SVEP1: variants seen among roughly 807,000 people sequenced by gnomAD.
SVEP1 encodes sushi, von Willebrand factor type A, EGF and pentraxin domain-containing protein 1.
In SVEP1, 164 loss-of-function variants were observed where a neutral mutation model predicts 367.3. The ratio of observed to expected loss-of-function variants is 0.45; its 90% CI spans 0.39 to 0.51. The LOEUF is 0.51. Ranked by LOEUF, SVEP1 falls within the 20% of genes least tolerant of loss-of-function variation. The probability of loss-of-function intolerance (pLI) is 0.00; values close to 1 mark genes in which losing one functional copy is unlikely to be tolerated. For missense variants in SVEP1, 4,117 were observed against 4,425.3 expected, an observed-to-expected ratio of 0.93 and a Z score of 1.98; for synonymous variants, 1,666 against 1,611.6, an observed-to-expected ratio of 1.03 and a Z score of -0.81.
chr9:110,399,093 C>A (rs1280755223), intron 40 of SVEP1, among the ~76,000 whole-genome samples: 2 of 152,162 alleles, frequency 1.3e-5, no homozygotes, highest in Non-Finnish European at 2.9e-5. Flanking sequence ...TTGGAACCAA[C>A]CCAAATGTCC....
intron 18 of SVEP1, among the ~76,000 whole-genome samples, chr9:110,462,415 T>C (rs1828871003): frequency 6.6e-6 from 1 of 151,858 alleles, no homozygotes; most frequent in Non-Finnish European, 1.5e-5. Context: ...CAGAAATATA[T>C]TTTCCTGCAG....
At chr9:110,399,332 C>T (rs973469731) in intron 40 of SVEP1, among the ~76,000 whole-genome samples, 4 of 143,706 alleles carry the variant, frequency 2.8e-5, no homozygotes, top group Admixed American at 7.1e-5. Context: ...ACATCACACA[C>T]TGGGTCCTGT....
At chr9:110,430,182 G>C in intron 33 of SVEP1, 92 bp downstream of exon 33, 3 of 1,353,906 alleles carry the variant, frequency 2.2e-6, no homozygotes, top group Non-Finnish European at 3.0e-6. Context: ...CAAATACAAA[G>C]AACATTGATA....
chr9:110,497,053 C>T, intron 7 of SVEP1, 120 bp from the exon 8 acceptor site: 1 of 624,202 alleles, frequency 1.6e-6, no homozygotes. Flanking sequence ...ATCCCAGTTA[C>T]TGATTGTTCG....
Position 110,390,139 on chromosome 9 carries a change from A to G in SVEP1, c.9823-552T>C, listed in dbSNP as rs544218784. Among the ~76,000 whole-genome samples, 201 of 89,780 alleles carry G rather than the reference A, an allele frequency of 2.2e-3. 1 individual carries two copies. The highest frequency in any genetic ancestry group is 6.4e-3 in the African/African-American group (176 of 27,530). 58.9% of individuals were successfully genotyped at this position (89,780 alleles called of 152,430 possible). A position where few individuals can be genotyped will look rare whatever the true frequency, so the allele number is the denominator to read the frequency against. ...TATACATACATACTTATATAAGTAT[A>G]TATACAAGTATATACATACATACTT... On this transcript the variant is annotated intron_variant, in intron 40 of 47. Coordinates refer to ENST00000374469, the MANE Select transcript of SVEP1 (RefSeq NM_153366.4).
intron 46 of SVEP1, among the ~76,000 whole-genome samples, chr9:110,371,666 T>C (rs1341025887): frequency 2.0e-5 from 3 of 152,158 alleles, no homozygotes; most frequent in Non-Finnish European, 2.9e-5. Context: ...TCTCAGTAAA[T>C]GGCAACACCT....
chr9:110,547,997 T>A (rs779862097), intron 2 of SVEP1, among the ~76,000 whole-genome samples: 1 of 152,186 alleles, frequency 6.6e-6, no homozygotes, highest in Non-Finnish European at 1.5e-5. Flanking sequence ...TCAACTTCCA[T>A]CAGGACAGAA....
Position 110,432,524 on chromosome 9 carries a change from C to T in SVEP1, c.5171G>A (p.Gly1724Asp), listed in dbSNP as rs376507406. 3.1e-4 allele frequency: 493 copies of T among 1,613,916 alleles called. No homozygotes were observed. Among genetic ancestry groups the T allele is most frequent in the Non-Finnish European group, 4.0e-4 (474 of 1,179,822 alleles). The change falls in exon 31 of 48, where the codon GGT becomes GAT. Residue 1724 changes from glycine (G) to aspartate (D), a missense_variant. Physicochemically the swap from Gly to Asp is moderately conservative, Grantham distance 94. This residue lies in a region of SVEP1 where 2,174 missense variants were observed against 2,494.3 expected (regional missense o/e 0.87). Coordinates refer to ENST00000374469, the MANE Select transcript of SVEP1 (RefSeq NM_153366.4). The part of the protein sequence containing the change: ...YQCNNGYYLL[G>D]DSRMFCTDNG... Reference sequence around the variant, plus strand: ...ATCTGTACAGAACATCCTTGAGTCACCCAATAGATAGTAGCCATTGTTGCA... The same window carrying T: ...ATCTGTACAGAACATCCTTGAGTCATCCAATAGATAGTAGCCATTGTTGCA...
At chr9:110,517,282 TA>T (rs1829816962) in intron 3 of SVEP1, among the ~76,000 whole-genome samples, 1 of 150,882 alleles carries the variant, frequency 6.6e-6, no homozygotes, top group Non-Finnish European at 1.5e-5. Context: ...GCAACATAGC[TA>T]CACCCATCTC....
intron 1 of SVEP1, among the ~76,000 whole-genome samples, chr9:110,570,448 A>C (rs186424560): frequency 4.2e-5 from 6 of 144,282 alleles, no homozygotes; most frequent in African/African-American, 1.6e-4. Context: ...TGGGAAACTA[A>C]GACAAAAAGT....
chr9:110,451,426 A>C, intron 22 of SVEP1, 24 bp from the exon 23 acceptor site: 1 of 1,591,002 alleles, frequency 6.3e-7, no homozygotes, highest in Non-Finnish European at 8.6e-7. Flanking sequence ...TTCATCTTTG[A>C]GCTGGAGAAA....
intron 6 of SVEP1, among the ~76,000 whole-genome samples, chr9:110,501,784 A>G (rs1230540577): frequency 6.6e-6 from 1 of 152,176 alleles, no homozygotes; most frequent in East Asian, 1.9e-4. Context: ...TTTATCTTCT[A>G]CTAAGCAACC....
chr9:110,435,814 G>T (rs1828422541), intron 28 of SVEP1, among the ~76,000 whole-genome samples: 1 of 152,166 alleles, frequency 6.6e-6, no homozygotes, highest in African/African-American at 2.4e-5. Context: ...TGTATATGTA[G>T]TATTTTGTTC....
chr9:110,441,000 A>G (rs1333954624), intron 27 of SVEP1, among the ~76,000 whole-genome samples: 1 of 152,228 alleles, frequency 6.6e-6, no homozygotes, highest in Non-Finnish European at 1.5e-5. Flanking sequence ...CTGTTTCTTC[A>G]TTTCTAAAAT....
intron 5 of SVEP1, among the ~76,000 whole-genome samples, chr9:110,508,745 A>G (rs1376464266): frequency 9.7e-5 from 13 of 134,278 alleles, no homozygotes; most frequent in African/African-American, 3.7e-4. Context: ...TAGGTAACAG[A>G]GCGAGACTCC....
At position 110,471,518 on chromosome 9, in the gene SVEP1, A is replaced by C. The variant is rs1025487830; in HGVS notation, c.2844T>G (p.Thr948=). 6.2e-6 allele frequency: 10 copies of C among 1,614,012 alleles called. No individual in the cohort carries two copies. In the East Asian group the frequency reaches 2.0e-4, roughly 32 times the overall value. Residue 948 remains threonine (T), a synonymous_variant, in exon 16 of 48, where the codon ACT becomes ACG. Transcript: ENST00000374469. The part of the protein sequence containing the change: ...NQQRLLQTLE[T]ITNKLKRTLN... ...GAGTCCTTTTCAGTTTATTTGTGATAGTTTCCAATGTCTGAAGGAGTCGTT... is the reference window on the plus strand; with the variant it reads ...GAGTCCTTTTCAGTTTATTTGTGATCGTTTCCAATGTCTGAAGGAGTCGTT...
At chr9:110,425,124 C>T (rs527736167) in intron 36 of SVEP1, among the ~76,000 whole-genome samples, 1 of 152,294 alleles carries the variant, frequency 6.6e-6, no homozygotes, top group Non-Finnish European at 1.5e-5. Flanking sequence ...TTTTTCTTCT[C>T]ATCAAGAGTT....
At chr9:110,488,697 C>CA (rs35832489) in intron 9 of SVEP1, among the ~76,000 whole-genome samples, 3 of 143,998 alleles carry the variant, frequency 2.1e-5, no homozygotes, top group African/African-American at 2.5e-5. Flanking sequence ...CTTGTCTCTA[C>CA]AAAAAAATTA....
At chr9:110,558,619 T>C (rs954513118) in intron 1 of SVEP1, among the ~76,000 whole-genome samples, 85 of 148,950 alleles carry the variant, frequency 5.7e-4, no homozygotes, top group African/African-American at 2.1e-3. Flanking sequence ...AGAAAGAGAA[T>C]AGGCTAAAAT....
Sources: gnomAD v4.1 joint callset for allele counts (sites outside exome capture counted in the v4.1 genomes callset) on GRCh38, gnomAD v4.1.1 for gene constraint, gnomAD v4.1.1 regional missense constraint, MANE v1.5 for transcripts, NCBI Gene and HGNC (gene_info 2026-07-23, HGNC 2026-07-21) for gene names.